TLN2: variants seen among roughly 807,000 people sequenced by gnomAD.
TLN2 encodes the protein talin 2, also known as talin-2.
A neutral mutation model predicts 294.7 loss-of-function variants in TLN2; 118 were observed. The ratio of observed to expected loss-of-function variants is 0.40; its 90% CI spans 0.34 to 0.47. The LOEUF is 0.47. TLN2 is among the 20% of genes least tolerant of loss of function. The pLI is 0.84. For missense variants in TLN2, 3,083 were observed against 3,282.2 expected (o/e 0.94, Z 1.48); for synonymous variants, 1,431 against 1,304.5 (o/e 1.10, Z -2.09).
intron 1 of TLN2, among the ~76,000 whole-genome samples, chr15:62,392,698 C>T (rs949613001): frequency 1.3e-5 from 2 of 152,112 alleles, no homozygotes; most frequent in Non-Finnish European, 2.9e-5. Context: ...TTTGTCGGCA[C>T]TTCCGGTCTT....
At chr15:62,443,421 G>A (rs539891726) in intron 1 of TLN2, among the ~76,000 whole-genome samples, 11 of 152,248 alleles carry the variant, frequency 7.2e-5, no homozygotes, top group South Asian at 6.2e-4. Flanking sequence ...CTGCATCTTT[G>A]TTATAATACT....
chr15:62,789,054 C>T (rs546776947), intron 45 of TLN2, among the ~76,000 whole-genome samples: 2 of 152,320 alleles, frequency 1.3e-5, no homozygotes, highest in East Asian at 3.9e-4. Context: ...GCTGGGAATC[C>T]TGAGATCCCA....
chr15:62,709,157 G>T (rs1025408944), intron 21 of TLN2, among the ~76,000 whole-genome samples: 1 of 152,196 alleles, frequency 6.6e-6, no homozygotes, highest in Non-Finnish European at 1.5e-5. Flanking sequence ...TATTATACTT[G>T]CATGTCCCCT....
chr15:62,662,966 G>A (rs2054064342), intron 9 of TLN2, among the ~76,000 whole-genome samples: 1 of 151,552 alleles, frequency 6.6e-6, no homozygotes. Context: ...TGGGACTACA[G>A]GTGCCTGCCA....
chr15:62,757,181 A>G (rs1197661987), intron 37 of TLN2, among the ~76,000 whole-genome samples: 1 of 152,244 alleles, frequency 6.6e-6, no homozygotes, highest in Non-Finnish European at 1.5e-5. Context: ...TAACTTTACC[A>G]AGGTGACCCA....
At chr15:62,561,409 A>G (rs1020217307) in intron 1 of TLN2, 1 of 152,212 alleles carries the variant, frequency 6.6e-6, no homozygotes, top group Non-Finnish European at 1.5e-5. Context: ...CGCCTTCGCG[A>G]GAGGAGCTGA....
chr15:62,820,712 T>C, intron 54 of TLN2, 102 bp downstream of exon 54: 1 of 1,457,720 alleles, frequency 6.9e-7, no homozygotes, highest in Non-Finnish European at 9.3e-7. Flanking sequence ...GGCTCCTTCC[T>C]TATGGTCAGA....
chr15:62,393,247 T>C (rs2032248589), intron 1 of TLN2, among the ~76,000 whole-genome samples: 1 of 151,960 alleles, frequency 6.6e-6, no homozygotes, highest in African/African-American at 2.4e-5. Context: ...TATTAGAGGG[T>C]CTCTCTTTTT....
chr15:62,661,362 A>T (rs974750664), intron 9 of TLN2, among the ~76,000 whole-genome samples: 53 of 152,318 alleles, frequency 3.5e-4, no homozygotes, highest in African/African-American at 1.3e-3. Flanking sequence ...AAGAGAATAT[A>T]GATAGACTGC....
chr15:62,661,759 A>G (rs2053861349), intron 9 of TLN2, among the ~76,000 whole-genome samples: 1 of 152,172 alleles, frequency 6.6e-6, no homozygotes, highest in South Asian at 2.1e-4. Context: ...AAATGCATTG[A>G]AACTGATAAA....
rs1487612899 is a variant in TLN2 at position 62,601,546 on chromosome 15, GAA to G, written c.-162+11786_-162+11787del. On this transcript the variant is annotated intron_variant, in intron 2 of 58. Coordinates refer to ENST00000636159, the MANE Select transcript of TLN2 (RefSeq NM_015059.3). The stretch of plus-strand genomic sequence containing the variant: ...TAGGCAGGCTACATATTTTCATTGA[GAA>G]ACACATAGTAACTGTAGACTCTTTG... 3.3e-5 allele frequency among the ~76,000 whole-genome samples: 5 copies of G among 152,296 alleles called. No individual in the cohort carries two copies. In the East Asian group the frequency reaches 9.6e-4, roughly 29 times the overall value.
At chr15:62,805,879 C>T in intron 51 of TLN2, 94 bp downstream of exon 51, 1 of 1,381,904 alleles carries the variant, frequency 7.2e-7, no homozygotes, top group South Asian at 1.6e-5. Context: ...GGCTCAGAAC[C>T]TTAAACTTTG....
chr15:62,649,934 G>C (rs2140940317), intron 4 of TLN2, 150 bp from the exon 5 acceptor site: 1 of 709,246 alleles, frequency 1.4e-6, no homozygotes, highest in African/African-American at 1.8e-5. Flanking sequence ...CTCCAGCCCT[G>C]ATGGCTGCTT....
At chr15:62,671,414 A>G (rs1422040170) in intron 9 of TLN2, among the ~76,000 whole-genome samples, 1 of 152,190 alleles carries the variant, frequency 6.6e-6, no homozygotes, top group African/African-American at 2.4e-5. Context: ...AGATTTAGCT[A>G]TTACATTTAG....
intron 9 of TLN2, among the ~76,000 whole-genome samples, chr15:62,667,738 C>T (rs2054886424): frequency 6.6e-6 from 1 of 152,186 alleles, no homozygotes; most frequent in Non-Finnish European, 1.5e-5. Context: ...TCCCTGTGTG[C>T]TTGTAACTTA....
At chr15:62,600,212 G>T (rs917962903) in intron 2 of TLN2, among the ~76,000 whole-genome samples, 1 of 152,176 alleles carries the variant, frequency 6.6e-6, no homozygotes, top group Non-Finnish European at 1.5e-5. Context: ...GGCTGTTCAG[G>T]ACTGATGGGA....
At chr15:62,439,104 A>C (rs1406652745) in intron 1 of TLN2, among the ~76,000 whole-genome samples, 3 of 152,198 alleles carry the variant, frequency 2.0e-5, no homozygotes, top group African/African-American at 7.2e-5. Flanking sequence ...AGGATCAAGG[A>C]TAATAAATGC....
intron 1 of TLN2, among the ~76,000 whole-genome samples, chr15:62,451,805 A>G (rs1566982404): frequency 1.3e-5 from 2 of 151,680 alleles, no homozygotes; most frequent in Admixed American, 1.3e-4. Flanking sequence ...TCTGCCTTTG[A>G]CTCTGTTTTC....
intron 51 of TLN2, among the ~76,000 whole-genome samples, chr15:62,808,690 C>T (rs1222322801): frequency 1.3e-5 from 2 of 152,172 alleles, no homozygotes; most frequent in African/African-American, 2.4e-5. Context: ...AGTGGTGTCT[C>T]ATCAAACAGA....
Sources: gnomAD v4.1 joint callset for allele counts (sites outside exome capture counted in the v4.1 genomes callset) on GRCh38, gnomAD v4.1.1 for gene constraint, MANE v1.5 for transcripts, NCBI Gene and HGNC (gene_info 2026-07-23, HGNC 2026-07-21) for gene names.